Variants in MATN1 observed in about 807,000 individuals in gnomAD.
The protein encoded by MATN1 is matrilin-1.
In MATN1, 34 loss-of-function variants were observed where a neutral mutation model predicts 41.3. The observed-to-expected ratio is 0.82, with a 90% CI of 0.63 to 1.10. The LOEUF (loss-of-function observed/expected upper bound fraction) is 1.10. MATN1 is among the 50% of genes least tolerant of loss of function. MATN1 has a pLI of 0.00. For missense variants in MATN1, 602 were observed against 662.4 expected, an observed-to-expected ratio of 0.91 and a Z score of 1.00; for synonymous variants, 264 against 278.7, an observed-to-expected ratio of 0.95 and a Z score of 0.53.
In MATN1 at chr1:30,716,060, T is replaced by G; in HGVS notation, c.1056A>C (p.Thr352=). Residue 352 remains threonine, a synonymous_variant, in exon 5 of 8, where the codon ACA becomes ACC. Transcript: ENST00000373765. ...VRNMSYMEKG[T]MTGAALKYLI... ...GGTACTTGAGAGCAGCCCCAGTCAT[T>G]GTGCCCTTCTCCATGTAGGACATAT... is the stretch of plus-strand genomic sequence containing the variant. 1.2e-6 allele frequency: 2 copies of G among 1,614,234 alleles called. No individual in the cohort carries two copies. The highest frequency in any genetic ancestry group is 1.7e-6 in the Non-Finnish European group (2 of 1,180,036).
rs944689743 is a variant in MATN1 at position 30,716,686 on chromosome 1, G to A, written c.790+104C>T. The A allele has an allele frequency of 2.1e-5, 30 of 1,461,508 alleles. No individual in the cohort carries two copies. The East Asian group carries it at 6.8e-4, about 33-fold the overall frequency. 90.5% of individuals were successfully genotyped at this position (1,461,508 alleles called of 1,614,324 possible). A position where few individuals can be genotyped will look rare whatever the true frequency, so the allele number is the denominator to read the frequency against. ...AGGCATCTGTCTGCTTTGAAGATTG[G>A]TTCAGAGGTATGGTGCAGGGAGGCT... On this transcript the variant is annotated intron_variant, in intron 4 of 7. Transcript: ENST00000373765.
chr1:30,720,130 C>T (rs1056110857), intron 2 of MATN1: 1 of 152,236 alleles, frequency 6.6e-6, no homozygotes, highest in Non-Finnish European at 1.5e-5. Context: ...CCACTGCCTC[C>T]TCGAGTCCCT....
chr1:30,716,694 G>A, intron 4 of MATN1, 96 bp downstream of exon 4: 1 of 1,493,350 alleles, frequency 6.7e-7, no homozygotes, highest in South Asian at 1.3e-5. Context: ...TGGTTCAGAG[G>A]TATGGTGCAG....
rs553847633 is a variant in MATN1, at chr1:30,712,281, G to C, written c.*1301C>G. ...CAACAGGGGCCTGGGGGAGGTGGCC[G>C]AGATCTCAGGGTGTGACCTGCAGAC... On this transcript the variant is annotated 3_prime_UTR_variant, in exon 8 of 8. Coordinates refer to ENST00000373765, the MANE Select transcript of MATN1 (RefSeq NM_002379.3). The C allele has an allele frequency of 6.1e-4, 93 of 152,394 alleles. No individual in the cohort carries two copies. Among genetic ancestry groups the C allele is most frequent in the African/African-American group, 2.1e-3 (89 of 41,562 alleles). The allele number at this position is 152,394 out of a possible 1,614,324, so 9.4% of individuals were successfully genotyped here. A position where few individuals can be genotyped will look rare whatever the true frequency, so the allele number is the denominator to read the frequency against.
intron 5 of MATN1, among the ~76,000 whole-genome samples, chr1:30,715,665 T>G (rs1639607425): frequency 6.6e-6 from 1 of 152,224 alleles, no homozygotes; most frequent in Non-Finnish European, 1.5e-5. Flanking sequence ...TTCTTGGGAA[T>G]ATCCAGCTGG....
intron 2 of MATN1, chr1:30,720,358 C>A: frequency 6.6e-6 from 1 of 152,420 alleles, no homozygotes. Context: ...CTACAGCACC[C>A]CGTGCTGAAA....
At position 30,713,043 on chromosome 1, in the gene MATN1, A is replaced by T. The variant is rs1639572826; in HGVS notation, c.*539T>A. 6.4e-6 allele frequency: 1 copy of T among 155,060 alleles called. No homozygotes were observed. The highest frequency in any genetic ancestry group is 2.0e-4 in the South Asian group (1 of 5,038). 9.6% of individuals were successfully genotyped at this position (155,060 alleles called of 1,614,324 possible). A position where few individuals can be genotyped will look rare whatever the true frequency, so the allele number is the denominator to read the frequency against. ...AGCTGGTTTTGGTGTGGTCACTGTC[A>T]TCACTGTCACCACCACTGTTACCAT... On this transcript the variant is annotated 3_prime_UTR_variant, in exon 8 of 8. Coordinates refer to ENST00000373765, the MANE Select transcript of MATN1 (RefSeq NM_002379.3).
intron 6 of MATN1, among the ~76,000 whole-genome samples, chr1:30,714,768 T>C (rs1382062732): frequency 2.6e-5 from 4 of 152,080 alleles, no homozygotes; most frequent in Non-Finnish European, 4.4e-5. Context: ...CCCACACTCC[T>C]TACCACTAAG....
chr1:30,715,863 C>T lies in MATN1; in HGVS notation c.1207+46G>A, dbSNP rs370085802. Reference sequence around the variant, plus strand: ...TACAGTTGGGCTATACCCGTGTGTACCCCTGGCCATCAGTGGTGTCCAGGG... The same window carrying T: ...TACAGTTGGGCTATACCCGTGTGTATCCCTGGCCATCAGTGGTGTCCAGGG... On this transcript the variant is annotated intron_variant, in intron 5 of 7. Coordinates refer to ENST00000373765, the MANE Select transcript of MATN1 (RefSeq NM_002379.3). The T allele has an allele frequency of 1.5e-5, 24 of 1,572,802 alleles. No individual in the cohort carries two copies. In the African/African-American group the frequency reaches 2.2e-4, roughly 14 times the overall value.
intron 4 of MATN1, 34 bp downstream of exon 4, chr1:30,716,756 C>G: frequency 6.2e-7 from 1 of 1,609,050 alleles, no homozygotes; most frequent in Non-Finnish European, 8.5e-7. Flanking sequence ...CCTCCACACC[C>G]TCTCCAGGGC....
Position 30,711,957 on chromosome 1 carries a change from G to A in MATN1, c.*1625C>T, listed in dbSNP as rs1349899047. 1 of 152,620 alleles carries A rather than the reference G, an allele frequency of 6.6e-6. No individual in the cohort carries two copies. Among genetic ancestry groups the A allele is most frequent in the Non-Finnish European group, 1.5e-5 (1 of 68,114 alleles). The allele number at this position is 152,620 out of a possible 1,614,324, so 9.5% of individuals were successfully genotyped here. Reference sequence around the variant, plus strand: ...TTTGGTGAACTGTGTAGGAGGTGGAGTCAGGTCATGGGGGCGAGGGTGGCT... The same window carrying A: ...TTTGGTGAACTGTGTAGGAGGTGGAATCAGGTCATGGGGGCGAGGGTGGCT... On this transcript the variant is annotated 3_prime_UTR_variant, in exon 8 of 8. Transcript: ENST00000373765.
chr1:30,721,860 C>T, intron 1 of MATN1, 109 bp from the exon 2 acceptor site: 2 of 821,194 alleles, frequency 2.4e-6, no homozygotes, highest in South Asian at 3.3e-5. Flanking sequence ...GCCTCGGGCC[C>T]AGTAGGCTGC....
chr1:30,721,764 C>CAGGA lies in MATN1; in HGVS notation c.95-17_95-14dup, dbSNP rs774832915. ...CGGCAGAGATGGCCTGGGAGTGGGG[C>CAGGA]AGGAGGGGTAAGGCAGAGAGCAGAG... is the stretch of plus-strand genomic sequence containing the variant. On this transcript the variant is annotated splice_polypyrimidine_tract_variant and intron_variant, in intron 1 of 7. Coordinates refer to ENST00000373765, the MANE Select transcript of MATN1 (RefSeq NM_002379.3). 6.3e-7 allele frequency: 1 copy of CAGGA among 1,598,240 alleles called. No individual in the cohort carries two copies. The highest frequency in any genetic ancestry group is 2.2e-5 in the East Asian group (1 of 44,776).
Position 30,711,418 on chromosome 1 carries a change from A to ATTT in MATN1, c.*2163_*2164insAAA, listed in dbSNP as rs1639542193. 2.6e-5 allele frequency: 4 copies of ATTT among 152,188 alleles called. No homozygotes were observed. The highest frequency in any genetic ancestry group is 5.9e-5 in the Non-Finnish European group (4 of 68,034). 9.4% of individuals were successfully genotyped at this position (152,188 alleles called of 1,614,324 possible). A position where few individuals can be genotyped will look rare whatever the true frequency, so the allele number is the denominator to read the frequency against. ...ACAACCTTCTGTTAATCAAACCTAGAGCAGAGAGGGATGTGGGAAGTCCAT... is the reference window on the plus strand; with the variant it reads ...ACAACCTTCTGTTAATCAAACCTAGATTTGCAGAGAGGGATGTGGGAAGTCCAT... On this transcript the variant is annotated 3_prime_UTR_variant, in exon 8 of 8. Transcript: ENST00000373765.
intron 7 of MATN1, chr1:30,713,968 G>A: frequency 5.2e-6 from 3 of 579,700 alleles, no homozygotes; most frequent in Non-Finnish European, 9.2e-6. Context: ...GGGCATCCAT[G>A]GGCTCCATGT....
intron 5 of MATN1, among the ~76,000 whole-genome samples, chr1:30,715,601 C>G: frequency 6.6e-6 from 1 of 152,182 alleles, no homozygotes; most frequent in East Asian, 1.9e-4. Flanking sequence ...TAATAGGTTA[C>G]AAAACAGACT....
Position 30,715,190 on chromosome 1 carries a change from T to C in MATN1, c.1327A>G (p.Ile443Val), listed in dbSNP as rs1639599722. 2 of 1,614,212 alleles carry C rather than the reference T, an allele frequency of 1.2e-6. No homozygotes were observed. The highest frequency in any genetic ancestry group is 1.7e-6 in the Non-Finnish European group (2 of 1,180,044). The stretch of plus-strand genomic sequence containing the variant: ...ATCTTCTTCTGCAACTTCTTGCCTA[T>C]CTGGTTGATGGTCTTGAAGTCAGCC... Reference protein sequence around the residue: ...YTADFKTINQIGKKLQKKICV... With the variant: ...YTADFKTINQVGKKLQKKICV... The change falls in exon 6 of 8, where the codon ATA (isoleucine) becomes GTA (valine). Residue 443 changes from isoleucine to valine, a missense_variant. By Grantham distance (29) the Ile-to-Val change is conservative (BLOSUM62 3). Transcript: ENST00000373765.
In MATN1 at chr1:30,715,439, A is replaced by G. The variant is rs75144277; in HGVS notation, c.1208-130T>C. ...TGGCAGCTGCTGGAATTGCAAGCAC[A>G]ATGCCTGGAACAAGGACAATGAGAA... On this transcript the variant is annotated intron_variant, in intron 5 of 7. Transcript: ENST00000373765. 2,730 of 783,698 alleles carry G rather than the reference A, an allele frequency of 3.5e-3. 49 individuals carry two copies. In the African/African-American group the frequency reaches 0.04, roughly 11 times the overall value. 48.5% of individuals were successfully genotyped at this position (783,698 alleles called of 1,614,324 possible).
chr1:30,723,575 C>T lies in MATN1; in HGVS notation c.-24G>A, dbSNP rs2124163006. The stretch of plus-strand genomic sequence containing the variant: ...ATAGTTCTGGCAGCACGGGCAGCAG[C>T]CGGCACGGTTGTGGGACCAGTGGGG... On this transcript the variant is annotated 5_prime_UTR_variant, in exon 1 of 8. Coordinates refer to ENST00000373765, the MANE Select transcript of MATN1 (RefSeq NM_002379.3). The T allele has an allele frequency of 6.6e-7, 1 of 1,520,746 alleles. No homozygotes were observed. The highest frequency in any genetic ancestry group is 8.9e-7 in the Non-Finnish European group (1 of 1,128,540). The allele number at this position is 1,520,746 out of a possible 1,614,324, so 94.2% of individuals were successfully genotyped here.
Sources: allele counts gnomAD v4.1 joint callset (sites outside exome capture counted in the v4.1 genomes callset), GRCh38; gene constraint gnomAD v4.1.1; transcripts MANE v1.5; gene names NCBI Gene and HGNC (gene_info 2026-07-23, HGNC 2026-07-21).